AGBL1: variants seen among roughly 807,000 people sequenced by gnomAD.
AGBL1 encodes the protein AGBL carboxypeptidase 1.
AGBL1 carries 130 observed loss-of-function variants against 118.9 expected under a neutral mutation model. That is an observed-to-expected ratio of 1.09 (90% CI 0.95 to 1.26). AGBL1 has a LOEUF of 1.26. Ranked by LOEUF, AGBL1 falls within the 50% of genes most tolerant of loss-of-function variation. The probability of loss-of-function intolerance (pLI) is 0.00; values close to 1 mark genes in which losing one functional copy is unlikely to be tolerated. For synonymous variants in AGBL1, 555 were observed against 478.9 expected (o/e 1.16, Z -2.08); for missense variants, 1,584 against 1,298.1 (o/e 1.22, Z -3.38).
intron 22 of AGBL1, among the ~76,000 whole-genome samples, chr15:86,690,510 A>G (rs910397522): frequency 5.9e-5 from 9 of 152,208 alleles, no homozygotes; most frequent in African/African-American, 2.2e-4. Flanking sequence ...AAAACGCTGA[A>G]TTCTTCCCTA....
At chr15:86,459,325 G>A (rs2082300693) in intron 18 of AGBL1, among the ~76,000 whole-genome samples, 3 of 152,084 alleles carry the variant, frequency 2.0e-5, no homozygotes, top group Admixed American at 2.0e-4. Flanking sequence ...TGTAGACCAG[G>A]AGCATGCACT....
At position 86,609,265 on chromosome 15, in the gene AGBL1, G is replaced by T. The variant is rs991584783; in HGVS notation, c.2994+54728G>T. ...TGCAAAGTAGGAAGAGATGGAAAGA[G>T]AACACACACAAGAAAATCAGAAAGG... On this transcript the variant is annotated intron_variant, in intron 21 of 22. Transcript: ENST00000614907. Among the ~76,000 whole-genome samples the T allele has an allele frequency of 2.6e-5, 4 of 152,086 alleles. No individual in the cohort carries two copies. The East Asian group carries it at 7.7e-4, about 29-fold the overall frequency.
At chr15:86,203,760 C>G (rs2077945544) in intron 5 of AGBL1, among the ~76,000 whole-genome samples, 1 of 152,128 alleles carries the variant, frequency 6.6e-6, no homozygotes, top group South Asian at 2.1e-4. Context: ...AGTTACTCAT[C>G]TTCGTATTTC....
At chr15:86,822,667 C>T (rs530113486) in intron 22 of AGBL1, among the ~76,000 whole-genome samples, 31 of 152,208 alleles carry the variant, frequency 2.0e-4, no homozygotes, top group African/African-American at 6.7e-4. Context: ...AAGAAAGAGG[C>T]TGACATATGC....
At chr15:86,263,018 C>A (rs953439429) in intron 10 of AGBL1, 124 bp downstream of exon 10, 1 of 717,462 alleles carries the variant, frequency 1.4e-6, no homozygotes, top group Non-Finnish European at 2.4e-6. Context: ...TGCTTCTGGG[C>A]TCTTCCTTAG....
At chr15:86,984,289 ATCT>A (rs1388962965) in intron 23 of AGBL1, among the ~76,000 whole-genome samples, 1 of 151,416 alleles carries the variant, frequency 6.6e-6, no homozygotes, top group Non-Finnish European at 1.5e-5. Flanking sequence ...TCATTCGTAG[ATCT>A]TCTTGGAAAT....
At chr15:86,803,122 G>C (rs184102494) in intron 22 of AGBL1, among the ~76,000 whole-genome samples, 1 of 152,220 alleles carries the variant, frequency 6.6e-6, no homozygotes, top group African/African-American at 2.4e-5. Context: ...GGAGCATCAT[G>C]TATAGCACTG....
chr15:86,085,707 G>C (rs1895600044), intron 1 of AGBL1, among the ~76,000 whole-genome samples: 1 of 152,174 alleles, frequency 6.6e-6, no homozygotes, highest in Non-Finnish European at 1.5e-5. Flanking sequence ...TCTAACCCTA[G>C]GAGGAAGGGC....
chr15:86,816,515 A>G (rs1451521123), intron 22 of AGBL1, among the ~76,000 whole-genome samples: 1 of 152,248 alleles, frequency 6.6e-6, no homozygotes, highest in Non-Finnish European at 1.5e-5. Flanking sequence ...GTTGTAGAAC[A>G]TTCATCTGGA....
At chr15:86,653,535 T>G (rs2085412318) in intron 21 of AGBL1, among the ~76,000 whole-genome samples, 1 of 152,182 alleles carries the variant, frequency 6.6e-6, no homozygotes, top group African/African-American at 2.4e-5. Flanking sequence ...TGCTTGGTTC[T>G]TTTTTATAAA....
chr15:86,649,782 G>C (rs1365411914), intron 21 of AGBL1, among the ~76,000 whole-genome samples: 3 of 150,462 alleles, frequency 2.0e-5, no homozygotes, highest in Non-Finnish European at 4.4e-5. Flanking sequence ...TTGGTGGGGG[G>C]CTTATAATAT....
chr15:86,799,702 A>G lies in AGBL1; in HGVS notation c.3159-107385A>G, dbSNP rs112079931. Among the ~76,000 whole-genome samples the G allele has an allele frequency of 6.1e-3, 934 of 152,268 alleles. 11 individuals are homozygous for G. Among genetic ancestry groups the G allele is most frequent in the African/African-American group, 0.022 (895 of 41,572 alleles). On this transcript the variant is annotated intron_variant, in intron 22 of 22. Transcript: ENST00000614907. ...ATTTTTTTGTTGACTTTGGACAAAAAAAAGAAAACCCCCTTACATCTTCAT... is the reference window on the plus strand; with the variant it reads ...ATTTTTTTGTTGACTTTGGACAAAAGAAAGAAAACCCCCTTACATCTTCAT...
At chr15:86,468,769 G>C (rs1452808159) in intron 18 of AGBL1, among the ~76,000 whole-genome samples, 1 of 152,122 alleles carries the variant, frequency 6.6e-6, no homozygotes, top group Non-Finnish European at 1.5e-5. Flanking sequence ...AGCAATTATG[G>C]TATTAAAAGA....
chr15:86,562,008 T>A (rs1263309623), intron 21 of AGBL1, among the ~76,000 whole-genome samples: 3 of 152,198 alleles, frequency 2.0e-5, no homozygotes, highest in Non-Finnish European at 4.4e-5. Flanking sequence ...TGATTTTGTA[T>A]CCTGAGACTT....
chr15:86,480,914 T>A (rs1380175501), intron 18 of AGBL1, among the ~76,000 whole-genome samples: 2 of 152,162 alleles, frequency 1.3e-5, no homozygotes, highest in East Asian at 3.9e-4. Flanking sequence ...AGGGTTTTGA[T>A]CATCATGCTA....
intron 18 of AGBL1, among the ~76,000 whole-genome samples, chr15:86,400,008 A>G (rs1046105875): frequency 6.6e-6 from 1 of 152,218 alleles, no homozygotes; most frequent in Non-Finnish European, 1.5e-5. Context: ...GTAGCACATC[A>G]TTATGAAAAA....
chr15:86,847,853 C>T (rs907797957), intron 22 of AGBL1, among the ~76,000 whole-genome samples: 7 of 152,130 alleles, frequency 4.6e-5, no homozygotes, highest in African/African-American at 1.4e-4. Flanking sequence ...GAAAGCTTAC[C>T]GAGGCCCCTT....
chr15:86,893,956 T>C (rs749210576), intron 22 of AGBL1, among the ~76,000 whole-genome samples: 5 of 152,196 alleles, frequency 3.3e-5, no homozygotes, highest in Non-Finnish European at 5.9e-5. Context: ...TTCCTGTTTC[T>C]CACTTGGTAT....
intron 23 of AGBL1, among the ~76,000 whole-genome samples, chr15:86,946,865 AAT>A (rs2080829741): frequency 6.6e-6 from 1 of 151,142 alleles, no homozygotes; most frequent in Non-Finnish European, 1.5e-5. Flanking sequence ...AAAAAAACAA[AAT>A]AGAAAAGAAA....
Sources: gnomAD v4.1 joint callset for allele counts (sites outside exome capture counted in the v4.1 genomes callset) on GRCh38, gnomAD v4.1.1 for gene constraint, MANE v1.5 for transcripts, NCBI Gene and HGNC (gene_info 2026-07-23, HGNC 2026-07-21) for gene names.